Variants in KCTD1 observed in about 807,000 individuals in gnomAD.
KCTD1 encodes the protein BTB/POZ domain-containing protein KCTD1.
In KCTD1, 24 loss-of-function variants were observed where a neutral mutation model predicts 66.0. The ratio of observed to expected loss-of-function variants is 0.36; its 90% confidence interval spans 0.26 to 0.51. The LOEUF (loss-of-function observed/expected upper bound fraction) is 0.51. Ranked by LOEUF, KCTD1 falls within the 20% of genes least tolerant of loss-of-function variation. The probability of loss-of-function intolerance (pLI) is 0.95; values close to 1 mark genes in which losing one functional copy is unlikely to be tolerated. For synonymous variants in KCTD1, 511 were observed against 517.2 expected, an observed-to-expected ratio of 0.99 and a Z score of 0.16; for missense variants, 943 against 1,205.2, an observed-to-expected ratio of 0.78 and a Z score of 3.22.
intron 1 of KCTD1, among the ~76,000 whole-genome samples, chr18:26,612,695 G>A (rs1340196996): frequency 6.6e-6 from 1 of 152,214 alleles, no homozygotes; most frequent in African/African-American, 2.4e-5. Context: ...ATAAATTTCT[G>A]ACATTTAAGC....
At chr18:26,501,964 T>C (rs1448536085) in intron 1 of KCTD1, among the ~76,000 whole-genome samples, 1 of 152,226 alleles carries the variant, frequency 6.6e-6, no homozygotes, top group African/African-American at 2.4e-5. Flanking sequence ...TGATGTGCGG[T>C]TGCACAAGCA....
At chr18:26,489,813 G>A (rs943170875) in intron 2 of KCTD1, among the ~76,000 whole-genome samples, 2 of 152,146 alleles carry the variant, frequency 1.3e-5, no homozygotes, top group Non-Finnish European at 2.9e-5. Flanking sequence ...CCCTTTGAAT[G>A]GAACTGTTCT....
chr18:26,542,759 T>G (rs774795150), intron 1 of KCTD1, among the ~76,000 whole-genome samples: 6 of 152,184 alleles, frequency 3.9e-5, no homozygotes, highest in Non-Finnish European at 8.8e-5. Context: ...TTTGGATGAA[T>G]GGGATCCACT....
At position 26,546,995 on chromosome 18, in the gene KCTD1, G is replaced by A. The variant is rs1196826904; in HGVS notation, c.1542C>T (p.Tyr514=). The change falls in exon 1 of 5, where the codon TAC becomes TAT. Residue 514 remains tyrosine (Y), a synonymous_variant. Transcript: ENST00000580059. The part of the protein sequence containing the change: ...RPQPPSLGNT[Y]ILPKDSQVGP... ...CGACCTGGCTGTCTTTGGGGAGGAT[G>A]TAAGTGTTCCCCAGCGAGGGCGGCT... is the stretch of plus-strand genomic sequence containing the variant. 2.1e-6 allele frequency: 3 copies of A among 1,450,748 alleles called. No individual in the cohort carries two copies. Among genetic ancestry groups the A allele is most frequent in the Admixed American group, 2.3e-5 (1 of 43,886 alleles). The allele number at this position is 1,450,748 out of a possible 1,614,324, so 89.9% of individuals were successfully genotyped here.
intron 2 of KCTD1, among the ~76,000 whole-genome samples, chr18:26,499,814 A>T (rs1258707185): frequency 1.3e-5 from 2 of 152,218 alleles, no homozygotes; most frequent in African/African-American, 4.8e-5. Flanking sequence ...GATCAGAAAC[A>T]GAGAAATGCC....
Position 26,548,004 on chromosome 18 carries a change from T to C in KCTD1, c.533A>G (p.Tyr178Cys). The change falls in exon 1 of 5, where the codon TAC becomes TGC. Residue 178 changes from tyrosine to cysteine, a missense_variant. Physicochemically the swap from Tyr to Cys is radical, Grantham distance 194. This residue lies in a region of KCTD1 where 96 missense variants were observed against 132.5 expected (regional missense o/e 0.72). Coordinates refer to ENST00000580059, the MANE Select transcript of KCTD1 (RefSeq NM_001142730.3). ...LSENTRLATR[Y>C]AVRIFREYLS... ...GTACTCCCGGAAGATGCGCACGGCG[T>C]AGCGGGTGGCCAGCCGGGTGTTCTC... 6.5e-7 allele frequency: 1 copy of C among 1,532,596 alleles called. No individual in the cohort carries two copies. Among genetic ancestry groups the C allele is most frequent in the South Asian group, 1.2e-5 (1 of 83,490 alleles). 94.9% of individuals were successfully genotyped at this position (1,532,596 alleles called of 1,614,324 possible). A position where few individuals can be genotyped will look rare whatever the true frequency, so the allele number is the denominator to read the frequency against.
intron 1 of KCTD1, among the ~76,000 whole-genome samples, chr18:26,557,468 A>G (rs1219225817): frequency 6.6e-6 from 1 of 152,176 alleles, no homozygotes; most frequent in African/African-American, 2.4e-5. Context: ...TTAGAGCCTG[A>G]GATATAATAA....
chr18:26,603,787 T>TAAATAAATAAAA (rs1464652163), intron 1 of KCTD1, among the ~76,000 whole-genome samples: 26 of 141,108 alleles, frequency 1.8e-4, no homozygotes, highest in African/African-American at 6.6e-4. Context: ...AATAAATAAA[T>TAAATAAATAAAA]AAAACCCCAC....
intron 1 of KCTD1, among the ~76,000 whole-genome samples, chr18:26,652,881 C>G (rs994358464): frequency 2.6e-5 from 4 of 152,154 alleles, no homozygotes; most frequent in Admixed American, 2.6e-4. Flanking sequence ...TCAGAATTCC[C>G]GCGTCTATTC....
At chr18:26,593,244 C>T (rs997599951) in intron 1 of KCTD1, among the ~76,000 whole-genome samples, 2 of 151,574 alleles carry the variant, frequency 1.3e-5, no homozygotes, top group African/African-American at 4.9e-5. Context: ...ATTTCTGTTT[C>T]TGAAGCTTCT....
At chr18:26,634,295 G>T (rs540094747) in intron 1 of KCTD1, among the ~76,000 whole-genome samples, 27 of 152,280 alleles carry the variant, frequency 1.8e-4, no homozygotes, top group African/African-American at 6.3e-4. Context: ...ACACTGGTTG[G>T]CTTGGAGGGA....
At chr18:26,500,594 A>G (rs1982709592) in intron 2 of KCTD1, among the ~76,000 whole-genome samples, 1 of 152,072 alleles carries the variant, frequency 6.6e-6, no homozygotes, top group Non-Finnish European at 1.5e-5. Flanking sequence ...TTTGTAAACT[A>G]TACTATTTTG....
intron 1 of KCTD1, among the ~76,000 whole-genome samples, chr18:26,652,555 T>TC (rs1988056172): frequency 6.6e-6 from 1 of 152,232 alleles, no homozygotes; most frequent in South Asian, 2.1e-4. Context: ...CAGGTTTGTT[T>TC]CAGAAGGCTC....
rs745733313 is a variant in KCTD1, at chr18:26,548,218, G to A, written c.319C>T (p.Pro107Ser). 2,387 of 1,509,042 alleles carry A rather than the reference G, an allele frequency of 1.6e-3. 21 individuals are homozygous for A. The highest frequency in any genetic ancestry group is 7.1e-4 in the Non-Finnish European group (799 of 1,132,502). The allele number at this position is 1,509,042 out of a possible 1,614,324, so 93.5% of individuals were successfully genotyped here. A position where few individuals can be genotyped will look rare whatever the true frequency, so the allele number is the denominator to read the frequency against. The stretch of plus-strand genomic sequence containing the variant: ...AGCTCCTCCCCGGCCGAGTCCTCGG[G>A]CTCCAGGGGCTCGTCCCAGTCCAGC... ...MGLDWDEPLEPEDSAGEELEP... is the reference protein window; with the variant it reads ...MGLDWDEPLESEDSAGEELEP... Residue 107 changes from proline (P) to serine (S), a missense_variant, in exon 1 of 5, where the codon CCC becomes TCC. This residue lies in a region of KCTD1 where 236 missense variants were observed against 206.6 expected (regional missense o/e 1.14). Coordinates refer to ENST00000580059, the MANE Select transcript of KCTD1 (RefSeq NM_001142730.3).
intron 1 of KCTD1, among the ~76,000 whole-genome samples, chr18:26,638,320 C>T (rs1987765491): frequency 6.6e-6 from 1 of 152,104 alleles, no homozygotes; most frequent in Non-Finnish European, 1.5e-5. Context: ...TTATTTATCT[C>T]CCACCAAAAT....
chr18:26,501,082 G>C lies in KCTD1; in HGVS notation c.1978C>G (p.Pro660Ala). 6.2e-7 allele frequency: 1 copy of C among 1,613,226 alleles called. No homozygotes were observed. The highest frequency in any genetic ancestry group is 1.1e-5 in the South Asian group (1 of 90,884). Residue 660 changes from proline to alanine, a missense_variant, in exon 2 of 5, where the codon CCT becomes GCT. By Grantham distance (27) the Pro-to-Ala change is conservative. Coordinates refer to ENST00000580059, the MANE Select transcript of KCTD1 (RefSeq NM_001142730.3). ...TSSLATLTKYPESRIGRLFDG... is the reference protein window; with the variant it reads ...TSSLATLTKYAESRIGRLFDG... ...AGTTTTTCAGATTACCTGGATTCAGGGTATTTGGTGAGGGTGGCCAGGCTG... is the reference window on the plus strand; with the variant it reads ...AGTTTTTCAGATTACCTGGATTCAGCGTATTTGGTGAGGGTGGCCAGGCTG...
chr18:26,592,218 C>T (rs1986625309), intron 1 of KCTD1, among the ~76,000 whole-genome samples: 1 of 152,116 alleles, frequency 6.6e-6, no homozygotes, highest in South Asian at 2.1e-4. Flanking sequence ...AAAAAAATCC[C>T]TTATGATACA....
chr18:26,498,453 A>G (rs1321912111), intron 2 of KCTD1, among the ~76,000 whole-genome samples: 1 of 149,970 alleles, frequency 6.7e-6, no homozygotes, highest in Non-Finnish European at 1.5e-5. Context: ...AGCAAGACAC[A>G]TGTAATTTTA....
At chr18:26,562,270 T>G (rs1985875803) in intron 1 of KCTD1, among the ~76,000 whole-genome samples, 1 of 152,104 alleles carries the variant, frequency 6.6e-6, no homozygotes, top group Non-Finnish European at 1.5e-5. Flanking sequence ...GAGATAGGGC[T>G]ACCCAGGCTG....
Sources: allele counts gnomAD v4.1 joint callset (sites outside exome capture counted in the v4.1 genomes callset), GRCh38; gene constraint gnomAD v4.1.1; regional missense constraint gnomAD v4.1.1; transcripts MANE v1.5; gene names NCBI Gene and HGNC (gene_info 2026-07-23, HGNC 2026-07-21).